The following PSG5 variants were observed in gnomAD, a reference collection of about 807,000 sequenced individuals.
PSG5 encodes pregnancy specific beta-1-glycoprotein 5, also known as pregnancy-specific beta-1-glycoprotein 5.
PSG5 carries 53 observed loss-of-function variants against 37.7 expected under a neutral mutation model. That is an observed-to-expected ratio of 1.41 (90% confidence interval 1.13 to 1.77). The LOEUF (loss-of-function observed/expected upper bound fraction) is 1.77. Ranked by LOEUF, PSG5 falls within the 40% of genes most tolerant of loss-of-function variation. The pLI, the probability that PSG5 is intolerant of heterozygous loss-of-function variation, is 0.00. For synonymous variants in PSG5, 221 were observed against 155.4 expected (o/e 1.42, Z -3.14); for missense variants, 547 against 405.2 (o/e 1.35, Z -3.00).
At chr19:43,171,608 A>G (rs1413744614) in intron 4 of PSG5, 3 of 520,126 alleles carry the variant, frequency 5.8e-6, no homozygotes, top group South Asian at 8.0e-5. Flanking sequence ...TAAAATCAAC[A>G]AAATTGACAA....
intron 1 of PSG5, among the ~76,000 whole-genome samples, chr19:43,185,852 C>G (rs59675351): frequency 0.18 from 6,131 of 33,420 alleles, 567 homozygotes; most frequent in East Asian, 0.59. Flanking sequence ...TTCAAAATGT[C>G]GTGGCCCTCT....
chr19:43,173,681 T>G (rs1334872791), intron 4 of PSG5, among the ~76,000 whole-genome samples: 6 of 151,612 alleles, frequency 4.0e-5, no homozygotes, highest in Non-Finnish European at 7.4e-5. Flanking sequence ...TAGGATGGCT[T>G]TGATAAACAA....
In PSG5 at chr19:43,175,900, G is replaced by C. The variant is rs560319189; in HGVS notation, c.679C>G (p.Arg227Gly). ...CEIRDRDGGM[R>G]SDPVTLNVLY... ...ACATTCAGGGTGACTGGGTCACTGCGCATGCCACCATCTCGGTCCCGTATT... is the reference window on the plus strand; with the variant it reads ...ACATTCAGGGTGACTGGGTCACTGCCCATGCCACCATCTCGGTCCCGTATT... Residue 227 changes from arginine to glycine, a missense_variant, in exon 3 of 6, where the codon CGC (arginine) becomes GGC (glycine). By Grantham distance (125) the Arg-to-Gly change is moderately radical. Transcript: ENST00000342951. The C allele has an allele frequency of 4.3e-6, 7 of 1,612,466 alleles. 1 individual carries two copies. The highest frequency in any genetic ancestry group is 5.1e-6 in the Non-Finnish European group (6 of 1,179,168).
At chr19:43,175,669 G>A in intron 3 of PSG5, 200 bp from the exon 4 acceptor site, 2 of 1,389,530 alleles carry the variant, frequency 1.4e-6, no homozygotes, top group South Asian at 2.9e-5. Context: ...AGTCTCCCAT[G>A]ACAAGAGCGC....
At chr19:43,179,923 G>A (rs750574051) in intron 2 of PSG5, among the ~76,000 whole-genome samples, 1 of 151,784 alleles carries the variant, frequency 6.6e-6, no homozygotes, top group Non-Finnish European at 1.5e-5. Context: ...TAGAGGGCAG[G>A]TGAGGACCAT....
rs1968984606 is a variant in PSG5 at position 43,175,361 on chromosome 19, CA to C, written c.817del (p.Trp273GlyfsTer44). Reference sequence around the variant, plus strand: ...TTGCTGAAACTTCCCATTAATTGTCCAAAAATACTCTGCCGGTGGGTTAGAT... The same window carrying C: ...TTGCTGAAACTTCCCATTAATTGTCCAAAATACTCTGCCGGTGGGTTAGAT... ...AESNPPAEYFWTINGKFQQSG... is the reference protein window; with the variant it reads ...AESNPPAEYFXTINGKFQQSG... On this transcript the variant is annotated frameshift_variant, in exon 4 of 6. Coordinates refer to ENST00000342951, the MANE Select transcript of PSG5 (RefSeq NM_002781.4). LOFTEE classifies it high-confidence loss of function. 6.2e-7 allele frequency: 1 copy of C among 1,612,752 alleles called. No individual in the cohort carries two copies. The highest frequency in any genetic ancestry group is 8.5e-7 in the Non-Finnish European group (1 of 1,179,262).
rs530646954 is a variant in PSG5, at chr19:43,178,075, G to T, written c.431-1927C>A. ...GATCTAGAAAGAGTGAAGGGGAAAG[G>T]CAAAAGCTGGTGGTTTTGGAGCAGA... On this transcript the variant is annotated intron_variant, in intron 2 of 5. Transcript: ENST00000342951. Among the ~76,000 whole-genome samples, 4 of 151,676 alleles carry T rather than the reference G, an allele frequency of 2.6e-5. No homozygotes were observed. The South Asian group carries it at 8.3e-4, about 31-fold the overall frequency.
At position 43,176,427 on chromosome 19, in the gene PSG5, G is replaced by T. The variant is rs58223677; in HGVS notation, c.431-279C>A. On this transcript the variant is annotated intron_variant, in intron 2 of 5. Coordinates refer to ENST00000342951, the MANE Select transcript of PSG5 (RefSeq NM_002781.4). ...CACATCAGTGGGAGTCACAGCCCCT[G>T]GTACCCCTCCCAGTCCCTCCATAAT... 4.0e-3 allele frequency among the ~76,000 whole-genome samples: 610 copies of T among 151,584 alleles called. 12 individuals are homozygous for T. Among genetic ancestry groups the T allele is most frequent in the African/African-American group, 0.014 (583 of 41,166 alleles).
chr19:43,177,114 T>C (rs1276103922), intron 2 of PSG5, among the ~76,000 whole-genome samples: 1 of 151,666 alleles, frequency 6.6e-6, no homozygotes, highest in Non-Finnish European at 1.5e-5. Context: ...TCTGATTCCA[T>C]GGATTCGACT....
intron 5 of PSG5, among the ~76,000 whole-genome samples, chr19:43,169,505 G>C (rs184563029): frequency 6.6e-6 from 1 of 151,596 alleles, no homozygotes; most frequent in Non-Finnish European, 1.5e-5. Context: ...TAGGAAGACA[G>C]TTCTAATTAG....
rs372749037 is a variant in PSG5, at chr19:43,186,450, A to T, written c.-45T>A. On this transcript the variant is annotated 5_prime_UTR_variant, in exon 1 of 6. Coordinates refer to ENST00000342951, the MANE Select transcript of PSG5 (RefSeq NM_002781.4). Reference sequence around the variant, plus strand: ...TCTCCTCTGTGGAGCTGAGCCTAGGATCCAGAAACTTCCTGAGCACGGCTG... The same window carrying T: ...TCTCCTCTGTGGAGCTGAGCCTAGGTTCCAGAAACTTCCTGAGCACGGCTG... 2.5e-6 allele frequency: 4 copies of T among 1,609,432 alleles called. No individual in the cohort carries two copies. Among genetic ancestry groups the T allele is most frequent in the African/African-American group, 1.3e-5 (1 of 74,420 alleles).
chr19:43,183,558 C>T (rs959454142), intron 2 of PSG5: 2 of 491,918 alleles, frequency 4.1e-6, no homozygotes, highest in Non-Finnish European at 8.2e-6. Flanking sequence ...ATTTCAGGTT[C>T]AGTGATGGGG....
intron 5 of PSG5, among the ~76,000 whole-genome samples, chr19:43,168,545 T>C (rs1968836433): frequency 6.6e-6 from 1 of 151,380 alleles, no homozygotes; most frequent in East Asian, 1.9e-4. Context: ...ATTTTGTTTT[T>C]GCATTTTTAG....
chr19:43,186,308 C>T (rs1430724844), intron 1 of PSG5, 34 bp downstream of exon 1: 6 of 1,611,002 alleles, frequency 3.7e-6, no homozygotes, highest in Non-Finnish European at 5.1e-6. Context: ...TCTTCTTCCT[C>T]CTCCTGTCCT....
chr19:43,185,891 A>T (rs1038916523), intron 1 of PSG5, among the ~76,000 whole-genome samples: 1 of 147,096 alleles, frequency 6.8e-6, no homozygotes, highest in African/African-American at 2.6e-5. Flanking sequence ...ATGACTTTCC[A>T]GTTTTGACCT....
rs1966940941 is a variant in PSG5, at chr19:43,186,347, A to T, written c.59T>A (p.Leu20His). The change falls in exon 1 of 6, where the codon CTC (leucine) becomes CAC (histidine). Residue 20 changes from leucine to histidine, a missense_variant. By Grantham distance (99) the Leu-to-His change is moderately conservative. Transcript: ENST00000342951. ...TQHITWKGLL[L>H]TASLLNFWNL... ...CCAGGAAGTTCTCTCCTCACCTGTG[A>T]GCAGGAGCCCCTTCCAGGTGATGTG... is the stretch of plus-strand genomic sequence containing the variant. 1 of 1,611,974 alleles carries T rather than the reference A, an allele frequency of 6.2e-7. No individual in the cohort carries two copies. The highest frequency in any genetic ancestry group is 1.7e-5 in the Admixed American group (1 of 59,878).
intron 4 of PSG5, among the ~76,000 whole-genome samples, chr19:43,172,695 C>G (rs112961276): frequency 0.15 from 22,131 of 151,086 alleles, 2,171 homozygotes; most frequent in East Asian, 0.37. Context: ...ATAATTATAC[C>G]TGAAATCTAC....
Position 43,186,176 on chromosome 19 carries a change from C to A in PSG5, c.64+166G>T, listed in dbSNP as rs538936087. On this transcript the variant is annotated intron_variant, in intron 1 of 5. Coordinates refer to ENST00000342951, the MANE Select transcript of PSG5 (RefSeq NM_002781.4). ...TATTTTTAGTAGAGACAGGGCTTCA[C>A]TGTGTTGGCAGGACTGACCTTGAAC... 2.6e-5 allele frequency among the ~76,000 whole-genome samples: 4 copies of A among 151,436 alleles called. No individual in the cohort carries two copies. In the South Asian group the frequency reaches 8.3e-4, roughly 32 times the overall value.
In PSG5 at chr19:43,185,099, A is replaced by T. The variant is rs182767550; in HGVS notation, c.113T>A (p.Ile38Asn). The stretch of plus-strand genomic sequence containing the variant: ...GGAAACTTTGGGTGGCAGGGCTTCA[A>T]TCGTGACTTGAGCAGTGATAGGCAG... ...WNLPITAQVT[I>N]EALPPKVSEG... The change falls in exon 2 of 6, where the codon ATT (isoleucine) becomes AAT (asparagine). Residue 38 changes from isoleucine to asparagine, a missense_variant. Ile to Asn is a moderately radical substitution (Grantham distance 149). Coordinates refer to ENST00000342951, the MANE Select transcript of PSG5 (RefSeq NM_002781.4). 15 of 1,611,340 alleles carry T rather than the reference A, an allele frequency of 9.3e-6. 1 individual carries two copies. The African/African-American group carries it at 1.6e-4, about 17-fold the overall frequency.
Sources: gnomAD v4.1 joint callset for allele counts (sites outside exome capture counted in the v4.1 genomes callset) on GRCh38, gnomAD v4.1.1 for gene constraint, MANE v1.5 for transcripts, NCBI Gene and HGNC (gene_info 2026-07-23, HGNC 2026-07-21) for gene names.